Variants in DNAJA3 observed in about 807,000 individuals in gnomAD.
DNAJA3 encodes the protein dnaJ homolog subfamily A member 3, mitochondrial.
DNAJA3 carries 29 observed loss-of-function variants against 54.9 expected under a neutral mutation model. The ratio of observed to expected loss-of-function variants is 0.53; its 90% CI spans 0.39 to 0.72. The LOEUF (loss-of-function observed/expected upper bound fraction) is 0.72. Among genes scored for constraint, DNAJA3 ranks in the 30% least tolerant of loss-of-function variants. The pLI is 0.00. For missense variants in DNAJA3, 708 were observed against 639.4 expected (o/e 1.11, Z -1.16); for synonymous variants, 302 against 251.4 (o/e 1.20, Z -1.90).
chr16:4,429,086 C>G (rs544965711), intron 1 of DNAJA3, among the ~76,000 whole-genome samples: 1 of 151,760 alleles, frequency 6.6e-6, no homozygotes, highest in Non-Finnish European at 1.5e-5. Flanking sequence ...GATGGAGTTT[C>G]ACTGTGTTAG....
chr16:4,431,955 A>G (rs2056707809), intron 1 of DNAJA3: 1 of 151,990 alleles, frequency 6.6e-6, no homozygotes, highest in Admixed American at 6.6e-5. Flanking sequence ...CTCTTAGGAT[A>G]AAATCCAGAC....
intron 1 of DNAJA3, among the ~76,000 whole-genome samples, chr16:4,432,998 C>T (rs981119020): frequency 6.7e-6 from 1 of 148,562 alleles, no homozygotes; most frequent in Admixed American, 6.7e-5. Flanking sequence ...AAAAATTAGC[C>T]GAGTGTGGTG....
intron 1 of DNAJA3, among the ~76,000 whole-genome samples, chr16:4,429,325 G>A (rs1435433564): frequency 6.6e-6 from 1 of 152,124 alleles, no homozygotes; most frequent in African/African-American, 2.4e-5. Context: ...CTGGGTTCAA[G>A]TGATCCTCTT....
intron 3 of DNAJA3, among the ~76,000 whole-genome samples, chr16:4,439,029 T>A (rs66717543): frequency 0.52 from 79,452 of 151,752 alleles, 24,855 homozygotes; most frequent in Non-Finnish European, 0.69. Flanking sequence ...ATTAATTTTT[T>A]TTTTTTTTTC....
intron 10 of DNAJA3, among the ~76,000 whole-genome samples, 180 bp from the exon 11 acceptor site, chr16:4,454,628 AGTC>A (rs1356743621): frequency 2.6e-5 from 4 of 152,236 alleles, no homozygotes; most frequent in Non-Finnish European, 5.9e-5. Context: ...TGTTCACCTC[AGTC>A]GTCTGCAAGG....
At chr16:4,434,928 A>G (rs1299435567) in intron 2 of DNAJA3, among the ~76,000 whole-genome samples, 1 of 116,954 alleles carries the variant, frequency 8.6e-6, no homozygotes, top group Non-Finnish European at 1.6e-5. Context: ...ATGGAGTCTC[A>G]CTCCATTGCT....
chr16:4,444,916 T>G (rs2056884903), intron 7 of DNAJA3, among the ~76,000 whole-genome samples, 188 bp downstream of exon 7: 1 of 152,166 alleles, frequency 6.6e-6, no homozygotes, highest in Non-Finnish European at 1.5e-5. Flanking sequence ...GTGCCTTGTG[T>G]GGAGAGAAGA....
chr16:4,441,284 G>T (rs2056832571), intron 3 of DNAJA3, 91 bp from the exon 4 acceptor site: 5 of 1,253,136 alleles, frequency 4.0e-6, no homozygotes, highest in African/African-American at 3.0e-5. Flanking sequence ...CTTAATAAAT[G>T]TTATGGCTGC....
chr16:4,435,964 C>T (rs1472279212), intron 2 of DNAJA3, among the ~76,000 whole-genome samples: 2 of 152,200 alleles, frequency 1.3e-5, no homozygotes, highest in African/African-American at 2.4e-5. Context: ...ATGATTTCTC[C>T]ACATCCCAGT....
intron 7 of DNAJA3, among the ~76,000 whole-genome samples, chr16:4,445,779 A>C (rs2141387559): frequency 6.6e-6 from 1 of 152,198 alleles, no homozygotes; most frequent in Admixed American, 6.5e-5. Context: ...CTCAAACCCC[A>C]GGGCTCAAAT....
chr16:4,430,575 A>C (rs2056685100), intron 1 of DNAJA3: 1 of 152,028 alleles, frequency 6.6e-6, no homozygotes. Flanking sequence ...AAAAAAAAAA[A>C]AAAGAAAGCA....
Position 4,441,385 on chromosome 16 carries a change from A to T in DNAJA3, c.440A>T (p.Asp147Val). 1 of 1,612,326 alleles carries T rather than the reference A, an allele frequency of 6.2e-7. No individual in the cohort carries two copies. Among genetic ancestry groups the T allele is most frequent in the Non-Finnish European group, 8.5e-7 (1 of 1,179,252 alleles). The change falls in exon 4 of 12, where the codon GAT becomes GTT. Residue 147 changes from aspartate to valine, a missense_variant. Coordinates refer to ENST00000262375, the MANE Select transcript of DNAJA3 (RefSeq NM_005147.6). ...TGCCTTTCACTGTAGGTTTTGAGTG[A>T]TGAGGTGAAGAGGAAGCAGTACGAT... ...QLAEAYEVLS[D>V]EVKRKQYDAY...
intron 9 of DNAJA3, 91 bp from the exon 10 acceptor site, chr16:4,450,307 CTT>C: frequency 9.4e-7 from 1 of 1,058,838 alleles, no homozygotes; most frequent in South Asian, 1.5e-5. Context: ...GGGTCCCTCT[CTT>C]CCCATGTGCT....
intron 1 of DNAJA3, chr16:4,427,221 G>A (rs768897772): frequency 6.6e-6 from 1 of 152,112 alleles, no homozygotes; most frequent in Non-Finnish European, 1.5e-5. Flanking sequence ...GCCCTGCTTA[G>A]CCTTCTTTTC....
intron 10 of DNAJA3, 113 bp downstream of exon 10, chr16:4,450,610 T>A: frequency 1.3e-6 from 1 of 794,140 alleles, no homozygotes; most frequent in Non-Finnish European, 1.9e-6. Flanking sequence ...CATGAAGCCT[T>A]TAAAATGTGC....
chr16:4,433,883 AT>A (rs1482428475), intron 1 of DNAJA3: 1 of 158,018 alleles, frequency 6.3e-6, no homozygotes, highest in East Asian at 1.9e-4. Context: ...TTCCTTAGCC[AT>A]TATTGAAGTG....
chr16:4,428,055 C>T (rs893750985), intron 1 of DNAJA3, among the ~76,000 whole-genome samples: 1 of 151,626 alleles, frequency 6.6e-6, no homozygotes, highest in African/African-American at 2.4e-5. Flanking sequence ...GGGTTCACGC[C>T]ATTCTCCTGC....
chr16:4,442,455 T>C, intron 5 of DNAJA3, 35 bp downstream of exon 5: 3 of 1,541,452 alleles, frequency 1.9e-6, no homozygotes, highest in Non-Finnish European at 2.6e-6. Flanking sequence ...CTCCCACGGC[T>C]TGCACCACTG....
chr16:4,444,515 T>G (rs2056878637), intron 6 of DNAJA3, 149 bp from the exon 7 acceptor site: 1 of 605,452 alleles, frequency 1.7e-6, no homozygotes, highest in African/African-American at 1.9e-5. Flanking sequence ...AGTTAATTTT[T>G]AGTAGAGACC....
Sources: gnomAD v4.1 joint callset for allele counts (sites outside exome capture counted in the v4.1 genomes callset) on GRCh38, gnomAD v4.1.1 for gene constraint, MANE v1.5 for transcripts, NCBI Gene and HGNC (gene_info 2026-07-23, HGNC 2026-07-21) for gene names.